Variants in USP34 observed in about 807,000 individuals in gnomAD.
USP34 encodes the protein ubiquitin carboxyl-terminal hydrolase 34.
Under a neutral mutation model 460.3 loss-of-function variants are expected in USP34, and 70 were observed. The ratio of observed to expected loss-of-function variants is 0.15; its 90% confidence interval spans 0.13 to 0.19. USP34 has a LOEUF of 0.19. Ranked by LOEUF, USP34 falls within the 10% of genes least tolerant of loss-of-function variation. USP34 has a pLI of 1.00. For missense variants in USP34, 3,985 were observed against 4,236.2 expected (o/e 0.94, Z 1.65); for synonymous variants, 1,647 against 1,405.3 (o/e 1.17, Z -3.85).
chr2:61,464,672 C>T (rs1166918445), intron 1 of USP34, among the ~76,000 whole-genome samples: 2 of 143,856 alleles, frequency 1.4e-5, no homozygotes, highest in Admixed American at 7.4e-5. Context: ...AGCCCAAGAT[C>T]GCACCACTGC....
chr2:61,431,648 A>G, intron 1 of USP34, among the ~76,000 whole-genome samples: 1 of 152,162 alleles, frequency 6.6e-6, no homozygotes, highest in Admixed American at 6.5e-5. Context: ...TGAGGTTAGG[A>G]GTTCGAGACC....
chr2:61,315,773 C>T (rs1572927698), intron 23 of USP34, among the ~76,000 whole-genome samples: 1 of 152,090 alleles, frequency 6.6e-6, no homozygotes, highest in Non-Finnish European at 1.5e-5. Context: ...AAAAGTTGGG[C>T]AGAGTAAAGA....
In USP34 at chr2:61,278,296, GA is replaced by G. The variant is rs747493977; in HGVS notation, c.5313-12del. 2.5e-6 allele frequency: 4 copies of G among 1,607,342 alleles called. No individual in the cohort carries two copies. The highest frequency in any genetic ancestry group is 2.7e-5 in the African/African-American group (2 of 74,062). The stretch of plus-strand genomic sequence containing the variant: ...TCAAGGATCTCCCTACTACAAAAAA[GA>G]AAAAAAATACACACAAGCAAGATAG... On this transcript the variant is annotated splice_polypyrimidine_tract_variant and intron_variant, in intron 40 of 79. Transcript: ENST00000398571.
In USP34 at chr2:61,248,548, T is replaced by C; in HGVS notation, c.6357A>G (p.Thr2119=). ...CACTCTTTCCCATAAGAAAATCTTCTGTATAGGGCGTCATGTCCAAACGTA... is the reference window on the plus strand; with the variant it reads ...CACTCTTTCCCATAAGAAAATCTTCCGTATAGGGCGTCATGTCCAAACGTA... The part of the protein sequence containing the change: ...FPLRLDMTPY[T]EDFLMGKSER... Residue 2119 remains threonine (T), a synonymous_variant, in exon 49 of 80, where the codon ACA becomes ACG. Coordinates refer to ENST00000398571, the MANE Select transcript of USP34 (RefSeq NM_014709.4). The C allele has an allele frequency of 6.3e-7, 1 of 1,589,632 alleles. No individual in the cohort carries two copies. Among genetic ancestry groups the C allele is most frequent in the South Asian group, 1.2e-5 (1 of 86,486 alleles).
intron 20 of USP34, among the ~76,000 whole-genome samples, chr2:61,326,743 G>A (rs1363760445): frequency 6.8e-6 from 1 of 148,104 alleles, no homozygotes; most frequent in Non-Finnish European, 1.5e-5. Context: ...TCTATGCTCT[G>A]ATCTATAACC....
At chr2:61,407,035 C>G (rs552566261) in intron 2 of USP34, among the ~76,000 whole-genome samples, 17 of 152,116 alleles carry the variant, frequency 1.1e-4, no homozygotes, top group Admixed American at 7.2e-4. Context: ...ACAAACAAAT[C>G]CAGTTCTCCT....
At chr2:61,399,001 G>A (rs759158346) in intron 3 of USP34, among the ~76,000 whole-genome samples, 2 of 152,250 alleles carry the variant, frequency 1.3e-5, no homozygotes, top group East Asian at 1.9e-4. Flanking sequence ...TCATGGACCA[G>A]GTGAACCATG....
intron 1 of USP34, among the ~76,000 whole-genome samples, chr2:61,468,494 T>A (rs1298018867): frequency 6.6e-6 from 1 of 152,206 alleles, no homozygotes; most frequent in African/African-American, 2.4e-5. Flanking sequence ...TAAATTTTTT[T>A]AAAAAGGAAG....
intron 33 of USP34, among the ~76,000 whole-genome samples, chr2:61,290,143 C>T (rs1380469470): frequency 6.6e-6 from 1 of 152,110 alleles, no homozygotes; most frequent in East Asian, 1.9e-4. Context: ...AGTGAAGCCA[C>T]CGTGAGCTAA....
intron 32 of USP34, among the ~76,000 whole-genome samples, chr2:61,294,362 T>TAC (rs112184999): frequency 0.37 from 55,466 of 151,062 alleles, 10,155 homozygotes; most frequent in African/African-American, 0.39. Context: ...AAAAAATTTA[T>TAC]ACACACACAC....
At chr2:61,190,745 C>A in intron 76 of USP34, 87 bp from the exon 77 acceptor site, 1 of 1,474,262 alleles carries the variant, frequency 6.8e-7, no homozygotes, top group Non-Finnish European at 9.1e-7. Flanking sequence ...AAAACATACA[C>A]TTGTGTATGA....
At position 61,266,023 on chromosome 2, in the gene USP34, T is replaced by C; in HGVS notation, c.5578A>G (p.Arg1860Gly). The C allele has an allele frequency of 2.0e-5, 33 of 1,613,554 alleles. No homozygotes were observed. The highest frequency in any genetic ancestry group is 2.8e-5 in the Non-Finnish European group (33 of 1,179,584). Reference sequence around the variant, plus strand: ...GCCATAACCCAGTTGTGTATTAGCCTGTAGTTCTCAACAGACCCCTTTACC... The same window carrying C: ...GCCATAACCCAGTTGTGTATTAGCCCGTAGTTCTCAACAGACCCCTTTACC... ...EMVKGSVENY[R>G]LIHNWVMAQH... Residue 1860 changes from arginine (R) to glycine (G), a missense_variant, in exon 42 of 80, where the codon AGG (arginine) becomes GGG (glycine). Arg to Gly is a moderately radical substitution (Grantham distance 125). Transcript: ENST00000398571.
chr2:61,316,617 G>A (rs1690757209), intron 23 of USP34, among the ~76,000 whole-genome samples: 1 of 150,494 alleles, frequency 6.6e-6, no homozygotes, highest in South Asian at 2.1e-4. Flanking sequence ...TGGTGCAGTG[G>A]CTCATGCCTG....
chr2:61,305,929 T>TG (rs1690390114), intron 27 of USP34, among the ~76,000 whole-genome samples: 1 of 152,166 alleles, frequency 6.6e-6, no homozygotes, highest in African/African-American at 2.4e-5. Flanking sequence ...CACTTTTTGA[T>TG]GGGGTTGTTT....
At chr2:61,229,457 T>TAAAAAAAAA (rs57231258) in intron 59 of USP34, 91 bp downstream of exon 59, 47 of 382,110 alleles carry the variant, frequency 1.2e-4, no homozygotes, top group South Asian at 3.2e-4. Context: ...CCCTATCTCT[T>TAAAAAAAAA]AAAAAAAAAA....
Position 61,187,619 on chromosome 2 carries a change from C to T in USP34, c.*483G>A. ...AAAGCACCATTTATATACTGCCAGG[C>T]CACAGCTAAAGAGGATTCTTTACAG... On this transcript the variant is annotated 3_prime_UTR_variant, in exon 80 of 80. Transcript: ENST00000398571. 1 of 759,026 alleles carries T rather than the reference C, an allele frequency of 1.3e-6. No individual in the cohort carries two copies. Among genetic ancestry groups the T allele is most frequent in the Non-Finnish European group, 1.6e-6 (1 of 623,056 alleles). The allele number at this position is 759,026 out of a possible 1,614,324, so 47.0% of individuals were successfully genotyped here.
At chr2:61,313,945 T>C (rs543488402) in intron 25 of USP34, among the ~76,000 whole-genome samples, 1 of 152,224 alleles carries the variant, frequency 6.6e-6, no homozygotes, top group South Asian at 2.1e-4. Context: ...TTCTTAGTAC[T>C]TTTACATTTG....
intron 71 of USP34, among the ~76,000 whole-genome samples, 184 bp downstream of exon 71, chr2:61,206,576 A>G (rs910893172): frequency 3.3e-5 from 5 of 152,200 alleles, no homozygotes; most frequent in African/African-American, 7.2e-5. Context: ...CAAAAACATA[A>G]AAGAGCCTTC....
At chr2:61,431,243 G>A (rs1694667978) in intron 1 of USP34, among the ~76,000 whole-genome samples, 2 of 152,092 alleles carry the variant, frequency 1.3e-5, no homozygotes, top group Admixed American at 1.3e-4. Flanking sequence ...TTTGTTTAGA[G>A]AAGAGATTTA....
Sources: allele counts gnomAD v4.1 joint callset (sites outside exome capture counted in the v4.1 genomes callset), GRCh38; gene constraint gnomAD v4.1.1; transcripts MANE v1.5; gene names NCBI Gene and HGNC (gene_info 2026-07-23, HGNC 2026-07-21).